The following STRC variants were observed in gnomAD, a reference collection of about 807,000 sequenced individuals.
The protein encoded by STRC is stereocilin.
STRC carries 43 observed loss-of-function variants against 103.5 expected under a neutral mutation model. The ratio of observed to expected loss-of-function variants is 0.42; its 90% CI spans 0.33 to 0.54. The LOEUF (loss-of-function observed/expected upper bound fraction) is 0.54. Among genes scored for constraint, STRC ranks in the 20% least tolerant of loss-of-function variants. STRC has a pLI of 0.14. For missense variants in STRC, 499 were observed against 1,088.5 expected (o/e 0.46, Z 7.62); for synonymous variants, 186 against 442.3 (o/e 0.42, Z 7.27).
intron 23 of STRC, among the ~76,000 whole-genome samples, chr15:43,602,880 C>T (rs547613909): frequency 2.4e-4 from 37 of 151,622 alleles, no homozygotes; most frequent in African/African-American, 7.3e-4. Context: ...CTCCTGACCT[C>T]GTGATCTGCC....
At position 43,601,445 on chromosome 15, in the gene STRC, C is replaced by T. The variant is rs1317883681; in HGVS notation, c.4652G>A (p.Trp1551Ter). ...RELQELILVDWGVLSTLGQID... is the reference protein window; with the variant it reads ...RELQELILVD ...CTGCCCCAGGGTGCTCAGCACTCCCCAGTCCACTAGGATCAGCTCCTGTAG... is the reference window on the plus strand; with the variant it reads ...CTGCCCCAGGGTGCTCAGCACTCCCTAGTCCACTAGGATCAGCTCCTGTAG... Residue 1551 changes from tryptophan to a stop codon, truncating the protein, a stop_gained, in exon 24 of 29, where the codon TGG becomes TAG. Coordinates refer to ENST00000450892, the MANE Select transcript of STRC (RefSeq NM_153700.2). LOFTEE classifies it high-confidence loss of function. 5 of 1,613,822 alleles carry T rather than the reference C, an allele frequency of 3.1e-6. No homozygotes were observed. The highest frequency in any genetic ancestry group is 4.2e-6 in the Non-Finnish European group (5 of 1,179,862).
At chr15:43,602,121 C>CAAA (rs35561492) in intron 23 of STRC, among the ~76,000 whole-genome samples, 398 of 38,136 alleles carry the variant, frequency 0.01, 46 homozygotes, top group African/African-American at 0.03. Flanking sequence ...GACTCTGTCT[C>CAAA]AAAAAAAAAA....
At chr15:43,603,452 A>G (rs1246422667) in intron 22 of STRC, 41 bp from the exon 23 acceptor site, 1 of 1,596,330 alleles carries the variant, frequency 6.3e-7, no homozygotes, top group South Asian at 1.1e-5. Flanking sequence ...GCGCAGTAAT[A>G]AAATATGCCC....
At chr15:43,604,561 A>C in intron 20 of STRC, 89 bp downstream of exon 20, 1 of 1,612,538 alleles carries the variant, frequency 6.2e-7, no homozygotes, top group Non-Finnish European at 8.5e-7. Flanking sequence ...AGGGGACCTT[A>C]AGAATATGGA....
At position 43,600,249 on chromosome 15, in the gene STRC, T is replaced by C. The variant is rs1270326016; in HGVS notation, c.5038A>G (p.Ile1680Val). ...LALSALLRGQ[I>V]QGVTPLAISV... The stretch of plus-strand genomic sequence containing the variant: ...ATGGCAAGAGGAGTAACGCCCTGGA[T>C]CTGTCCCCGCAGCAGTGCTGAAAGA... Residue 1680 changes from isoleucine to valine, a missense_variant, in exon 27 of 29, where the codon ATC becomes GTC. By Grantham distance (29) the Ile-to-Val change is conservative. Coordinates refer to ENST00000450892, the MANE Select transcript of STRC (RefSeq NM_153700.2). The C allele has an allele frequency of 1.6e-6, 2 of 1,260,654 alleles. No homozygotes were observed. The highest frequency in any genetic ancestry group is 2.3e-6 in the Non-Finnish European group (2 of 887,062). The allele number at this position is 1,260,654 out of a possible 1,614,324, so 78.1% of individuals were successfully genotyped here. A position where few individuals can be genotyped will look rare whatever the true frequency, so the allele number is the denominator to read the frequency against.
At chr15:43,602,685 C>G (rs2085680109) in intron 23 of STRC, 1 of 143,400 alleles carries the variant, frequency 7.0e-6, no homozygotes, top group Non-Finnish European at 1.5e-5. Context: ...TGCTCTGTCA[C>G]CCAGGATGGA....
In STRC at chr15:43,604,348, T is replaced by C. The variant is rs1269277923; in HGVS notation, c.4218+13A>G. ...CTATGCATTTACTCCCTTCCCTTCTTCCTTCATCTCACCCTGGGGATCAAG... is the reference window on the plus strand; with the variant it reads ...CTATGCATTTACTCCCTTCCCTTCTCCCTTCATCTCACCCTGGGGATCAAG... On this transcript the variant is annotated intron_variant, in intron 21 of 28. Transcript: ENST00000450892. 1.3e-6 allele frequency: 2 copies of C among 1,563,726 alleles called. No individual in the cohort carries two copies. Among genetic ancestry groups the C allele is most frequent in the South Asian group, 2.3e-5 (2 of 86,004 alleles).
In STRC at chr15:43,600,812, T is replaced by C. The variant is rs1010941642; in HGVS notation, c.4844+60A>G. 4 of 1,613,464 alleles carry C rather than the reference T, an allele frequency of 2.5e-6. No homozygotes were observed. The African/African-American group carries it at 5.3e-5, about 22-fold the overall frequency. On this transcript the variant is annotated intron_variant, in intron 25 of 28. Transcript: ENST00000450892. The stretch of plus-strand genomic sequence containing the variant: ...TGGGACCAGACCTTCATGATCCTTC[T>C]TTCCCCAGTAAGTCCACCTTTACCT...
At chr15:43,603,857 A>T in intron 22 of STRC, 139 bp downstream of exon 22, 1 of 1,480,764 alleles carries the variant, frequency 6.8e-7, no homozygotes, top group Non-Finnish European at 9.1e-7. Context: ...GAACTACAAG[A>T]GGCTTGAAGA....
At chr15:43,603,132 C>T in intron 23 of STRC, 110 bp downstream of exon 23, 1 of 1,193,122 alleles carries the variant, frequency 8.4e-7, no homozygotes, top group South Asian at 1.3e-5. Flanking sequence ...TCTAACTCTT[C>T]TATCTCTTGC....
chr15:43,618,120 TCA>T lies in STRC; in HGVS notation c.299_300del (p.Leu100GlnfsTer3). ...ATTGGCTCCCAGTCGGGGCTACCTC[TCA>T]GTGTCACTAGAAAATCATGGAGCCG... ...ALRLHDFLVT[L>X]RGSPDWEPML... On this transcript the variant is annotated frameshift_variant, in exon 2 of 29. Transcript: ENST00000450892. LOFTEE classifies it high-confidence loss of function. The T allele has an allele frequency of 7.6e-7, 1 of 1,320,070 alleles. No homozygotes were observed. The allele number at this position is 1,320,070 out of a possible 1,614,324, so 81.8% of individuals were successfully genotyped here.
At chr15:43,607,324 C>G (rs2085717914) in intron 18 of STRC, among the ~76,000 whole-genome samples, 1 of 129,566 alleles carries the variant, frequency 7.7e-6, no homozygotes, top group Admixed American at 7.9e-5. Context: ...GGACCAGGAA[C>G]TCACTACCTT....
At chr15:43,604,237 T>C (rs537221720) in intron 21 of STRC, 85 bp from the exon 22 acceptor site, 131 of 1,598,584 alleles carry the variant, frequency 8.2e-5, no homozygotes, top group Non-Finnish European at 1.0e-4. Context: ...GTCCTGTCTC[T>C]GTTTTGCAGT....
Position 43,601,487 on chromosome 15 carries a change from C to G in STRC, c.4610G>C (p.Gly1537Ala), listed in dbSNP as rs1278566838. Residue 1537 changes from glycine to alanine, a missense_variant, in exon 24 of 29, where the codon GGT (glycine) becomes GCT (alanine). Gly to Ala is a moderately conservative substitution (Grantham distance 60, BLOSUM62 0). Coordinates refer to ENST00000450892, the MANE Select transcript of STRC (RefSeq NM_153700.2). Reference protein sequence around the residue: ...QILQLGRLLIGLGDRELQELI... With the variant: ...QILQLGRLLIALGDRELQELI... ...CTCCTGTAGTTCCCGATCTCCTAGACCTATTAAGAGCCTACCAAGCTGCAG... is the reference window on the plus strand; with the variant it reads ...CTCCTGTAGTTCCCGATCTCCTAGAGCTATTAAGAGCCTACCAAGCTGCAG... 1 of 1,613,650 alleles carries G rather than the reference C, an allele frequency of 6.2e-7. No individual in the cohort carries two copies. The highest frequency in any genetic ancestry group is 8.5e-7 in the Non-Finnish European group (1 of 1,179,868).
intron 22 of STRC, among the ~76,000 whole-genome samples, 159 bp downstream of exon 22, chr15:43,603,837 C>G (rs1378548987): frequency 2.6e-5 from 4 of 151,958 alleles, no homozygotes. Context: ...CCCAGAACTA[C>G]AGAATTCTAG....
At position 43,601,503 on chromosome 15, in the gene STRC, C is replaced by G. The variant is rs746546719; in HGVS notation, c.4594G>C (p.Gly1532Arg). The G allele has an allele frequency of 1.9e-6, 3 of 1,613,810 alleles. No homozygotes were observed. Among genetic ancestry groups the G allele is most frequent in the Admixed American group, 1.7e-5 (1 of 60,008 alleles). ...TCTCCTAGACCTATTAAGAGCCTAC[C>G]AAGCTGCAGGATCTGCTCAGGACGA... ...GFRPEQILQL[G>R]RLLIGLGDRE... The change falls in exon 24 of 29, where the codon GGT becomes CGT. Residue 1532 changes from glycine (G) to arginine (R), a missense_variant. Gly to Arg is a moderately radical substitution (Grantham distance 125, BLOSUM62 -2). Transcript: ENST00000450892.
chr15:43,604,246 G>A (rs962611159), intron 21 of STRC, 94 bp from the exon 22 acceptor site: 1 of 1,596,256 alleles, frequency 6.3e-7, no homozygotes, highest in African/African-American at 1.3e-5. Context: ...CTGTTTTGCA[G>A]TCTCCCCCCA....
At position 43,600,355 on chromosome 15, in the gene STRC, T is replaced by C; in HGVS notation, c.4994-62A>G. 1.0e-5 allele frequency: 8 copies of C among 803,784 alleles called. 1 individual carries two copies. Among genetic ancestry groups the C allele is most frequent in the Non-Finnish European group, 1.7e-5 (8 of 480,682 alleles). 49.8% of individuals were successfully genotyped at this position (803,784 alleles called of 1,614,324 possible). A position where few individuals can be genotyped will look rare whatever the true frequency, so the allele number is the denominator to read the frequency against. ...CTGACCTTCCCTCTCTTCAAACCTA[T>C]AGACCTTCTCTAACTACTCCCAAAG... On this transcript the variant is annotated intron_variant, in intron 26 of 28. Transcript: ENST00000450892.
chr15:43,605,344 C>T lies in STRC; in HGVS notation c.3850G>A (p.Val1284Met), dbSNP rs1353189817. The T allele has an allele frequency of 6.3e-7, 1 of 1,592,928 alleles. No individual in the cohort carries two copies. Among genetic ancestry groups the T allele is most frequent in the Non-Finnish European group, 8.6e-7 (1 of 1,168,276 alleles). ...NESIMLVVEL[V>M]QRAPEQLLAL... ...AGCAGCTGCTCTGGAGCTCTTTGCA[C>T]CAGCTCCACCACCAACATAATGGAT... Residue 1284 changes from valine to methionine, a missense_variant, in exon 19 of 29, where the codon GTG becomes ATG. By Grantham distance (21) the Val-to-Met change is conservative (BLOSUM62 1). Transcript: ENST00000450892.
Sources: allele counts gnomAD v4.1 joint callset (sites outside exome capture counted in the v4.1 genomes callset), GRCh38; gene constraint gnomAD v4.1.1; transcripts MANE v1.5; gene names NCBI Gene and HGNC (gene_info 2026-07-23, HGNC 2026-07-21).